The following NTNG1 variants were observed in gnomAD, a reference collection of about 807,000 sequenced individuals.
NTNG1 encodes the protein netrin G1.
Under a neutral mutation model 54.0 loss-of-function variants are expected in NTNG1, and 16 were observed. That is an observed-to-expected ratio of 0.30 (90% confidence interval 0.20 to 0.45). The LOEUF (loss-of-function observed/expected upper bound fraction) is 0.45. Among genes scored for constraint, NTNG1 ranks in the 20% least tolerant of loss-of-function variants. NTNG1 has a pLI of 1.00. For missense variants in NTNG1, 530 were observed against 678.7 expected, an observed-to-expected ratio of 0.78 and a Z score of 2.43; for synonymous variants, 255 against 263.1, an observed-to-expected ratio of 0.97 and a Z score of 0.30.
chr1:107,414,432 A>G (rs1674061149), intron 5 of NTNG1, among the ~76,000 whole-genome samples: 1 of 152,192 alleles, frequency 6.6e-6, no homozygotes, highest in Non-Finnish European at 1.5e-5. Context: ...TTTAGGAATT[A>G]CCATTTTCAG....
rs117354873 is a variant in NTNG1 at position 107,299,594 on chromosome 1, G to A, written c.247-24688G>A. Among the ~76,000 whole-genome samples the A allele has an allele frequency of 1.2e-3, 188 of 152,250 alleles. 4 individuals are homozygous for A. The East Asian group carries it at 0.029, about 23-fold the overall frequency. Reference sequence around the variant, plus strand: ...TTTACAGATGAGGAGATTGAAACACGAGAAGCTTAAGTAATGTGTCCAGTA... The same window carrying A: ...TTTACAGATGAGGAGATTGAAACACAAGAAGCTTAAGTAATGTGTCCAGTA... On this transcript the variant is annotated intron_variant, in intron 2 of 7. Transcript: ENST00000370068.
At chr1:107,343,516 T>C (rs75433640) in intron 3 of NTNG1, among the ~76,000 whole-genome samples, 1 of 152,012 alleles carries the variant, frequency 6.6e-6, no homozygotes, top group Admixed American at 6.6e-5. Flanking sequence ...TTTTTTTTTT[T>C]CCTTTCATTT....
chr1:107,474,398 A>G (rs955237910), intron 7 of NTNG1, among the ~76,000 whole-genome samples: 10 of 152,324 alleles, frequency 6.6e-5, no homozygotes, highest in East Asian at 1.9e-4. Flanking sequence ...TTGCAACTAT[A>G]TGCAGGATTA....
intron 4 of NTNG1, among the ~76,000 whole-genome samples, chr1:107,405,880 A>G (rs1162412556): frequency 6.6e-6 from 1 of 152,164 alleles, no homozygotes; most frequent in Non-Finnish European, 1.5e-5. Context: ...AAAAAAATAA[A>G]GATTCAGTAT....
intron 2 of NTNG1, among the ~76,000 whole-genome samples, chr1:107,270,471 A>T (rs1664068691): frequency 6.6e-6 from 1 of 152,186 alleles, no homozygotes; most frequent in South Asian, 2.1e-4. Flanking sequence ...CTCATGTTTG[A>T]AATGGGAATA....
intron 3 of NTNG1, among the ~76,000 whole-genome samples, chr1:107,333,638 T>C (rs1668407894): frequency 6.6e-6 from 1 of 151,836 alleles, no homozygotes; most frequent in African/African-American, 2.4e-5. Flanking sequence ...GAAAACATCG[T>C]GTGTGTGTGC....
chr1:107,291,844 T>C (rs1011328911), intron 2 of NTNG1, among the ~76,000 whole-genome samples: 2 of 152,168 alleles, frequency 1.3e-5, no homozygotes, highest in African/African-American at 4.8e-5. Context: ...TTAAACTCTG[T>C]TACATCAAAA....
intron 2 of NTNG1, among the ~76,000 whole-genome samples, chr1:107,268,452 T>C (rs897849574): frequency 1.3e-5 from 2 of 151,926 alleles, no homozygotes; most frequent in Non-Finnish European, 2.9e-5. Flanking sequence ...TCACTGGGCT[T>C]TTTGGACTCC....
chr1:107,313,388 C>A (rs548337109), intron 2 of NTNG1, among the ~76,000 whole-genome samples: 1 of 151,428 alleles, frequency 6.6e-6, no homozygotes, highest in East Asian at 2.0e-4. Context: ...GTTAACTTTT[C>A]AGTATGTTGA....
intron 2 of NTNG1, among the ~76,000 whole-genome samples, chr1:107,224,300 T>C (rs1660538982): frequency 6.6e-6 from 1 of 152,174 alleles, no homozygotes; most frequent in Non-Finnish European, 1.5e-5. Flanking sequence ...AAACCCTAAA[T>C]CAAAGCTCAC....
intron 7 of NTNG1, among the ~76,000 whole-genome samples, chr1:107,459,167 C>T (rs912673421): frequency 9.9e-5 from 15 of 151,934 alleles, no homozygotes; most frequent in Non-Finnish European, 2.1e-4. Context: ...CATTGCTTTT[C>T]CTCTTTTGTA....
In NTNG1 at chr1:107,220,460, C is replaced by T. The variant is rs979939779; in HGVS notation, c.246+71621C>T. Among the ~76,000 whole-genome samples, 14 of 152,276 alleles carry T rather than the reference C, an allele frequency of 9.2e-5. No individual in the cohort carries two copies. In the Middle Eastern group the frequency reaches 0.01, roughly 111 times the overall value. ...GCAAGTTAGTCTTGCCTTCTATCCA[C>T]CATTTTCCTACCTCTTTCACCATTT... On this transcript the variant is annotated intron_variant, in intron 2 of 7. Transcript: ENST00000370068.
At chr1:107,246,404 T>C (rs1662203523) in intron 2 of NTNG1, among the ~76,000 whole-genome samples, 1 of 63,472 alleles carries the variant, frequency 1.6e-5, no homozygotes, top group South Asian at 5.4e-4. Context: ...TCTCCTTGTT[T>C]AAGCAAAAAA....
chr1:107,440,114 T>C (rs1675875255), intron 7 of NTNG1, among the ~76,000 whole-genome samples: 1 of 151,850 alleles, frequency 6.6e-6, no homozygotes, highest in African/African-American at 2.4e-5. Context: ...GTTGCAGTGA[T>C]GAGCTGAGAG....
intron 3 of NTNG1, among the ~76,000 whole-genome samples, chr1:107,368,828 A>C (rs768975684): frequency 6.6e-6 from 1 of 152,202 alleles, no homozygotes; most frequent in Non-Finnish European, 1.5e-5. Flanking sequence ...AAACAGTTTT[A>C]TTGAAATGTA....
intron 2 of NTNG1, among the ~76,000 whole-genome samples, chr1:107,272,952 C>G (rs1664237842): frequency 6.6e-6 from 1 of 152,158 alleles, no homozygotes; most frequent in Non-Finnish European, 1.5e-5. Context: ...ATCATAAATA[C>G]TTAAAGATTG....
intron 2 of NTNG1, among the ~76,000 whole-genome samples, chr1:107,189,420 TC>T (rs1257791244): frequency 6.9e-6 from 1 of 145,202 alleles, no homozygotes; most frequent in Non-Finnish European, 1.5e-5. Flanking sequence ...TGTAAGTAAC[TC>T]TTAGTTTTTT....
intron 2 of NTNG1, among the ~76,000 whole-genome samples, chr1:107,270,412 A>T (rs1352112376): frequency 1.3e-5 from 2 of 152,234 alleles, no homozygotes; most frequent in Non-Finnish European, 2.9e-5. Context: ...TTGAATTTTC[A>T]TCTCAGTAAC....
intron 2 of NTNG1, among the ~76,000 whole-genome samples, chr1:107,323,170 T>G (rs1426332943): frequency 6.7e-6 from 1 of 149,932 alleles, no homozygotes; most frequent in African/African-American, 2.4e-5. Flanking sequence ...CCAAGGACAA[T>G]GTCCGAGGAT....
Sources: gnomAD v4.1 joint callset for allele counts (sites outside exome capture counted in the v4.1 genomes callset) on GRCh38, gnomAD v4.1.1 for gene constraint, MANE v1.5 for transcripts, NCBI Gene and HGNC (gene_info 2026-07-23, HGNC 2026-07-21) for gene names.